EYA4: variants seen among roughly 807,000 people sequenced by gnomAD.
The protein encoded by EYA4 is EYA transcriptional coactivator and phosphatase 4.
Under a neutral mutation model 87.9 loss-of-function variants are expected in EYA4, and 31 were observed. That is an observed-to-expected ratio of 0.35 (90% CI 0.27 to 0.48). The LOEUF is 0.48. Among genes scored for constraint, EYA4 ranks in the 20% least tolerant of loss-of-function variants. EYA4 has a pLI of 0.99. For synonymous variants in EYA4, 263 were observed against 270.6 expected (o/e 0.97, Z 0.28); for missense variants, 678 against 761.4 (o/e 0.89, Z 1.29).
intron 2 of EYA4, among the ~76,000 whole-genome samples, chr6:133,320,140 T>G (rs142387375): frequency 0.011 from 1,596 of 151,186 alleles, 55 homozygotes; most frequent in Admixed American, 0.076. Context: ...ACCATTCCTT[T>G]TTTTTTTTTT....
intron 1 of EYA4, 32 bp from the exon 2 acceptor site, chr6:133,274,684 T>C (rs1777018769): frequency 2.0e-6 from 2 of 1,000,310 alleles, no homozygotes; most frequent in South Asian, 2.6e-5. Context: ...AAGATAACAT[T>C]TTTCCCCTTT....
chr6:133,300,437 A>C (rs1779313585), intron 2 of EYA4, among the ~76,000 whole-genome samples: 1 of 152,150 alleles, frequency 6.6e-6, no homozygotes, highest in African/African-American at 2.4e-5. Context: ...CTTCCTTCAG[A>C]AGTTAGTTTC....
chr6:133,506,291 A>C lies in EYA4; in HGVS notation c.1281+96A>C, dbSNP rs1283358777. 1.1e-5 allele frequency: 8 copies of C among 719,322 alleles called. No homozygotes were observed. In the Admixed American group the frequency reaches 1.9e-4, roughly 17 times the overall value. The allele number at this position is 719,322 out of a possible 1,614,324, so 44.6% of individuals were successfully genotyped here. A position where few individuals can be genotyped will look rare whatever the true frequency, so the allele number is the denominator to read the frequency against. ...ATAACCTCGAGAAAACAGAAAGATA[A>C]AAATTCAGCTCAAGAGAAGCATAAA... On this transcript the variant is annotated intron_variant, in intron 14 of 19. Transcript: ENST00000355286.
chr6:133,348,221 C>T (rs996900522), intron 2 of EYA4, among the ~76,000 whole-genome samples: 3 of 149,852 alleles, frequency 2.0e-5, no homozygotes, highest in Non-Finnish European at 4.4e-5. Flanking sequence ...GGGCACTGTT[C>T]CATCTCCATT....
chr6:133,530,308 G>A lies in EYA4; in HGVS notation c.*1503G>A, dbSNP rs531393207. On this transcript the variant is annotated 3_prime_UTR_variant, in exon 20 of 20. Coordinates refer to ENST00000355286, the MANE Select transcript of EYA4 (RefSeq NM_004100.5). ...GCGCAACGGATGGCATTCATTACAAGAAGAGCCCATCATCGTTGTGTTTGC... is the reference window on the plus strand; with the variant it reads ...GCGCAACGGATGGCATTCATTACAAAAAGAGCCCATCATCGTTGTGTTTGC... The A allele has an allele frequency of 1.0e-6, 1 of 985,336 alleles. No homozygotes were observed. The highest frequency in any genetic ancestry group is 6.1e-5 in the Admixed American group (1 of 16,262). 61.0% of individuals were successfully genotyped at this position (985,336 alleles called of 1,614,324 possible). A position where few individuals can be genotyped will look rare whatever the true frequency, so the allele number is the denominator to read the frequency against.
chr6:133,380,289 G>A (rs911033974), intron 2 of EYA4, among the ~76,000 whole-genome samples: 2 of 152,114 alleles, frequency 1.3e-5, no homozygotes, highest in African/African-American at 4.8e-5. Flanking sequence ...GTTAAGCATT[G>A]GTTATAAGTG....
chr6:133,426,883 C>T lies in EYA4; in HGVS notation c.84-19747C>T, dbSNP rs529065675. On this transcript the variant is annotated intron_variant, in intron 3 of 19. Transcript: ENST00000355286. ...TATCTATATCTATCTATTTATATCACATCTCCTTGGAACTTCTGAACTATA... is the reference window on the plus strand; with the variant it reads ...TATCTATATCTATCTATTTATATCATATCTCCTTGGAACTTCTGAACTATA... Among the ~76,000 whole-genome samples, 517 of 152,324 alleles carry T rather than the reference C, an allele frequency of 3.4e-3. 2 individuals carry two copies. Among genetic ancestry groups the T allele is most frequent in the Non-Finnish European group, 5.9e-3 (399 of 68,024 alleles).
intron 1 of EYA4, among the ~76,000 whole-genome samples, chr6:133,267,666 A>C (rs898172487): frequency 1.3e-5 from 2 of 152,104 alleles, no homozygotes; most frequent in African/African-American, 4.8e-5. Flanking sequence ...TACAGGCATG[A>C]ACCACCACGC....
At chr6:133,485,319 T>C (rs1214136409) in intron 13 of EYA4, among the ~76,000 whole-genome samples, 1 of 152,062 alleles carries the variant, frequency 6.6e-6, no homozygotes, top group Non-Finnish European at 1.5e-5. Flanking sequence ...AGAAGGAGAA[T>C]ACCAAAAGGG....
intron 18 of EYA4, among the ~76,000 whole-genome samples, chr6:133,524,180 AAG>A (rs1800427751): frequency 6.6e-6 from 1 of 152,188 alleles, no homozygotes; most frequent in Non-Finnish European, 1.5e-5. Flanking sequence ...GACTAATAGA[AAG>A]AAGGTAATTT....
At chr6:133,515,132 T>C (rs980875757) in intron 16 of EYA4, among the ~76,000 whole-genome samples, 189 bp from the exon 17 acceptor site, 2 of 152,228 alleles carry the variant, frequency 1.3e-5, no homozygotes, top group Admixed American at 6.5e-5. Context: ...TCAGTAAATA[T>C]TCATTGACGG....
intron 3 of EYA4, among the ~76,000 whole-genome samples, chr6:133,406,232 A>G (rs1195262236): frequency 6.6e-6 from 1 of 152,196 alleles, no homozygotes; most frequent in Non-Finnish European, 1.5e-5. Context: ...TCTTGCCCAA[A>G]AGAAGTTTAC....
At chr6:133,513,197 T>C (rs1234324635) in intron 16 of EYA4, among the ~76,000 whole-genome samples, 159 bp downstream of exon 16, 1 of 152,090 alleles carries the variant, frequency 6.6e-6, no homozygotes, top group Non-Finnish European at 1.5e-5. Context: ...TGGGAAAAAA[T>C]TTAACTACAA....
chr6:133,276,746 A>G (rs938674590), intron 2 of EYA4, among the ~76,000 whole-genome samples: 1 of 152,180 alleles, frequency 6.6e-6, no homozygotes, highest in African/African-American at 2.4e-5. Flanking sequence ...AGATGCTTAG[A>G]ACTGTTAAAT....
intron 3 of EYA4, among the ~76,000 whole-genome samples, chr6:133,423,097 A>C (rs1398288557): frequency 6.6e-6 from 1 of 152,128 alleles, no homozygotes; most frequent in Non-Finnish European, 1.5e-5. Context: ...ATGCTAAGAC[A>C]CAAGGGGTTT....
chr6:133,524,727 T>C (rs577941352), intron 18 of EYA4, among the ~76,000 whole-genome samples: 14 of 152,352 alleles, frequency 9.2e-5, no homozygotes, highest in South Asian at 2.1e-4. Flanking sequence ...TTAAAACTTA[T>C]AGTTGCTTGT....
intron 3 of EYA4, among the ~76,000 whole-genome samples, chr6:133,394,297 T>A (rs916567105): frequency 0.084 from 3,671 of 43,880 alleles, 225 homozygotes; most frequent in South Asian, 0.32. Flanking sequence ...TTTTTTTTTT[T>A]TTTTTTTTTT....
At chr6:133,362,348 C>T (rs755651100) in intron 2 of EYA4, among the ~76,000 whole-genome samples, 6 of 152,068 alleles carry the variant, frequency 3.9e-5, no homozygotes, top group Admixed American at 2.6e-4. Context: ...GTCTTTGGGC[C>T]GTTATTGTCC....
chr6:133,348,835 T>A (rs886275321), intron 2 of EYA4, among the ~76,000 whole-genome samples: 2 of 152,126 alleles, frequency 1.3e-5, no homozygotes, highest in South Asian at 4.1e-4. Flanking sequence ...TGTCTCCTTA[T>A]GGTATATTCT....
Sources: gnomAD v4.1 joint callset for allele counts (sites outside exome capture counted in the v4.1 genomes callset) on GRCh38, gnomAD v4.1.1 for gene constraint, MANE v1.5 for transcripts, NCBI Gene and HGNC (gene_info 2026-07-23, HGNC 2026-07-21) for gene names.